The following POLK variants were observed in gnomAD, a reference collection of about 807,000 sequenced individuals.
POLK encodes polymerase (DNA directed) kappa.
A neutral mutation model predicts 94.0 loss-of-function variants in POLK; 76 were observed. The ratio of observed to expected loss-of-function variants is 0.81; its 90% confidence interval spans 0.67 to 0.98. POLK has a LOEUF of 0.98. POLK is among the 50% of genes least tolerant of loss of function. The pLI is 0.00. For missense variants in POLK, 954 were observed against 1,010.1 expected, an observed-to-expected ratio of 0.94 and a Z score of 0.75; for synonymous variants, 349 against 325.4, an observed-to-expected ratio of 1.07 and a Z score of -0.78.
chr5:75,590,519 T>G, intron 11 of POLK, 79 bp downstream of exon 11: 1 of 798,800 alleles, frequency 1.3e-6, no homozygotes, highest in South Asian at 1.4e-5. Flanking sequence ...AGAGTTAGAT[T>G]ACACATTTCT....
At chr5:75,578,896 A>G (rs908261226) in intron 6 of POLK, among the ~76,000 whole-genome samples, 2 of 152,232 alleles carry the variant, frequency 1.3e-5, no homozygotes, top group South Asian at 2.1e-4. Flanking sequence ...CTGAAATACC[A>G]TACACTTTTT....
At chr5:75,533,662 T>C (rs1434363373) in intron 1 of POLK, among the ~76,000 whole-genome samples, 5 of 152,222 alleles carry the variant, frequency 3.3e-5, no homozygotes. Context: ...TAGCGCTGAA[T>C]CTGTAATTTG....
At chr5:75,545,462 T>C (rs904649271) in intron 1 of POLK, among the ~76,000 whole-genome samples, 2 of 152,226 alleles carry the variant, frequency 1.3e-5, no homozygotes, top group East Asian at 1.9e-4. Flanking sequence ...CTAACAGTTA[T>C]GATGGGCAAT....
intron 3 of POLK, among the ~76,000 whole-genome samples, chr5:75,559,368 T>C (rs1770825872): frequency 6.6e-6 from 1 of 152,098 alleles, no homozygotes; most frequent in Non-Finnish European, 1.5e-5. Flanking sequence ...GCACAGTCAT[T>C]TTTGTAACTG....
upstream of POLK, chr5:75,511,326 G>GT: frequency 6.5e-7 from 1 of 1,547,626 alleles, no homozygotes; most frequent in East Asian, 2.4e-5. Flanking sequence ...CCGCTCCGGT[G>GT]TGGGGGGGAG....
At chr5:75,520,385 G>A (rs1156300143) in intron 1 of POLK, among the ~76,000 whole-genome samples, 1 of 152,062 alleles carries the variant, frequency 6.6e-6, no homozygotes, top group Non-Finnish European at 1.5e-5. Context: ...TTTACCAGAG[G>A]ATTTTATTTA....
intron 1 of POLK, among the ~76,000 whole-genome samples, chr5:75,531,806 G>C: frequency 6.6e-6 from 1 of 151,788 alleles, no homozygotes. Context: ...AAAAAAATAA[G>C]AAAGTAAGCT....
At chr5:75,589,382 C>T (rs887944418) in intron 10 of POLK, among the ~76,000 whole-genome samples, 6 of 108,072 alleles carry the variant, frequency 5.6e-5, no homozygotes, top group African/African-American at 2.3e-4. Flanking sequence ...TATATATATA[C>T]ACACATACAC....
intron 3 of POLK, among the ~76,000 whole-genome samples, chr5:75,564,169 C>T (rs1771140102): frequency 6.6e-6 from 1 of 152,082 alleles, no homozygotes; most frequent in African/African-American, 2.4e-5. Context: ...TGTCTCTTTT[C>T]ATCTTTGTTG....
At position 75,597,157 on chromosome 5, in the gene POLK, A is replaced by T. The variant is rs758748781; in HGVS notation, c.2464A>T (p.Lys822Ter). The T allele has an allele frequency of 6.3e-7, 1 of 1,586,652 alleles. No individual in the cohort carries two copies. Among genetic ancestry groups the T allele is most frequent in the African/African-American group, 1.3e-5 (1 of 74,264 alleles). ...TAAATTTAACCCAGTTAATCAACCC[A>T]AAGAAAGCTCCAGAAGTACTGGTAA... is the stretch of plus-strand genomic sequence containing the variant. The change falls in exon 13 of 15, where the codon AAA becomes TAA. Residue 822 changes from lysine to a stop codon, truncating the protein, a stop_gained. Coordinates refer to ENST00000241436, the Ensembl canonical transcript of POLK. LOFTEE classifies it high-confidence loss of function.
intron 1 of POLK, among the ~76,000 whole-genome samples, chr5:75,517,020 A>C (rs564881377): frequency 6.6e-6 from 1 of 152,146 alleles, no homozygotes; most frequent in East Asian, 1.9e-4. Context: ...TTTTCTTGCC[A>C]GTATTATGGT....
intron 1 of POLK, among the ~76,000 whole-genome samples, chr5:75,541,343 A>C (rs951538097): frequency 6.6e-6 from 1 of 152,154 alleles, no homozygotes; most frequent in Non-Finnish European, 1.5e-5. Flanking sequence ...GGCTTGGGGA[A>C]TTGACCTTTG....
chr5:75,543,669 A>G (rs1391020029), intron 1 of POLK, among the ~76,000 whole-genome samples: 1 of 152,178 alleles, frequency 6.6e-6, no homozygotes, highest in Non-Finnish European at 1.5e-5. Flanking sequence ...ACATATGCCT[A>G]TGAAACTGGA....
In POLK at chr5:75,598,119, G is replaced by C. The variant is rs5744717; in HGVS notation, c.*101G>C. 437 of 516,918 alleles carry C rather than the reference G, an allele frequency of 8.5e-4. 5 individuals carry two copies. In the South Asian group the frequency reaches 0.016, roughly 19 times the overall value. The allele number at this position is 516,918 out of a possible 1,614,324, so 32.0% of individuals were successfully genotyped here. A position where few individuals can be genotyped will look rare whatever the true frequency, so the allele number is the denominator to read the frequency against. On this transcript the variant is annotated 3_prime_UTR_variant, in exon 15 of 15. Coordinates refer to ENST00000241436, the Ensembl canonical transcript of POLK. ...TAAGTTTGCAGATTTATTTAGTGAA[G>C]GCAAGTGCAATAATCCTTCCTCAGA...
intron 6 of POLK, among the ~76,000 whole-genome samples, chr5:75,577,960 G>A (rs1168286921): frequency 1.3e-5 from 2 of 152,108 alleles, no homozygotes; most frequent in Admixed American, 6.6e-5. Context: ...ATTGTTTGAG[G>A]ATGTGGAACA....
intron 12 of POLK, among the ~76,000 whole-genome samples, chr5:75,595,671 T>A (rs1773039692): frequency 6.6e-6 from 1 of 152,212 alleles, no homozygotes; most frequent in South Asian, 2.1e-4. Context: ...TATAAATTTG[T>A]CCAGCGCCCA....
chr5:75,517,393 T>C (rs1288728120), intron 1 of POLK, among the ~76,000 whole-genome samples: 1 of 152,186 alleles, frequency 6.6e-6, no homozygotes, highest in Non-Finnish European at 1.5e-5. Flanking sequence ...TTGTAACTAT[T>C]GTAAATGTTA....
intron 1 of POLK, among the ~76,000 whole-genome samples, chr5:75,539,674 G>A (rs1172381778): frequency 6.6e-6 from 1 of 151,930 alleles, no homozygotes; most frequent in Non-Finnish European, 1.5e-5. Context: ...GCCCAGGCTG[G>A]TCTCAAACCC....
At chr5:75,589,213 A>G (rs1772623264) in intron 10 of POLK, among the ~76,000 whole-genome samples, 1 of 152,142 alleles carries the variant, frequency 6.6e-6, no homozygotes. Context: ...ACATCATTAA[A>G]TTAGAATATT....
Sources: allele counts gnomAD v4.1 joint callset (sites outside exome capture counted in the v4.1 genomes callset), GRCh38; gene constraint gnomAD v4.1.1; transcripts MANE v1.5; gene names NCBI Gene and HGNC (gene_info 2026-07-23, HGNC 2026-07-21).